Variants in TRRAP observed in about 807,000 individuals in gnomAD.
The protein encoded by TRRAP is transformation/transcription domain associated protein.
Under a neutral mutation model 438.8 loss-of-function variants are expected in TRRAP, and 41 were observed. The ratio of observed to expected loss-of-function variants is 0.09; its 90% CI spans 0.07 to 0.12. The LOEUF (loss-of-function observed/expected upper bound fraction) is 0.12, where lower values mean the gene tolerates loss of function less well. Among genes scored for constraint, TRRAP ranks in the 10% least tolerant of loss-of-function variants. The pLI, the probability that TRRAP is intolerant of heterozygous loss-of-function variation, is 1.00. For synonymous variants in TRRAP, 1,994 were observed against 1,962.9 expected (o/e 1.02, Z -0.42); for missense variants, 3,122 against 5,055.1 (o/e 0.62, Z 11.60).
At chr7:98,989,951 G>A (rs1793317468) in intron 63 of TRRAP, among the ~76,000 whole-genome samples, 1 of 152,188 alleles carries the variant, frequency 6.6e-6, no homozygotes, top group African/African-American at 2.4e-5. Flanking sequence ...CAAAAGGCCG[G>A]GAGTGGTGGC....
intron 49 of TRRAP, 30 bp from the exon 50 acceptor site, chr7:98,967,011 T>C: frequency 6.3e-7 from 1 of 1,593,010 alleles, no homozygotes; most frequent in African/African-American, 1.4e-5. Context: ...GAAATACTTT[T>C]AACTGCGTCT....
intron 20 of TRRAP, among the ~76,000 whole-genome samples, chr7:98,918,994 A>G (rs1358731006): frequency 6.6e-6 from 1 of 151,998 alleles, no homozygotes; most frequent in African/African-American, 2.4e-5. Flanking sequence ...CAAAAAAAAA[A>G]AAAAAAGAAA....
At chr7:98,960,016 C>T (rs1434106983) in intron 45 of TRRAP, among the ~76,000 whole-genome samples, 1 of 151,324 alleles carries the variant, frequency 6.6e-6, no homozygotes, top group Non-Finnish European at 1.5e-5. Flanking sequence ...GCCCCAACTA[C>T]ACGTAGGAGT....
At chr7:98,937,887 T>C (rs994281118) in intron 30 of TRRAP, 67 bp downstream of exon 30, 10 of 1,470,062 alleles carry the variant, frequency 6.8e-6, no homozygotes, top group Middle Eastern at 2.3e-4. Flanking sequence ...TAAAAATAAA[T>C]AATGCAGCTG....
rs781834642 is a variant in TRRAP at position 98,917,393 on chromosome 7, CCT to C, written c.2366-25_2366-24del. 680 of 1,605,176 alleles carry C rather than the reference CCT, an allele frequency of 4.2e-4. 3 individuals carry two copies. The highest frequency in any genetic ancestry group is 3.0e-4 in the Non-Finnish European group (350 of 1,173,592). ...GGGCCCGAGTCTGGGGAGCGTCTTCCCTCTCTGATAGCTGCACCCCCTTCCCT... is the reference window on the plus strand; with the variant it reads ...GGGCCCGAGTCTGGGGAGCGTCTTCCCTCTGATAGCTGCACCCCCTTCCCT... On this transcript the variant is annotated intron_variant, in intron 19 of 72. Coordinates refer to ENST00000456197, the MANE Select transcript of TRRAP (RefSeq NM_001375524.1).
chr7:99,002,581 C>T (rs1793979170), intron 67 of TRRAP, among the ~76,000 whole-genome samples: 1 of 152,146 alleles, frequency 6.6e-6, no homozygotes, highest in South Asian at 2.1e-4. Context: ...CTCTGTCTCT[C>T]GCGGCTCTGC....
chr7:98,887,320 G>A (rs1374353330), intron 3 of TRRAP, among the ~76,000 whole-genome samples: 1 of 152,142 alleles, frequency 6.6e-6, no homozygotes, highest in Non-Finnish European at 1.5e-5. Context: ...TGATAACCTG[G>A]CAGTTAGTTC....
rs528109112 is a variant in TRRAP at position 98,899,744 on chromosome 7, C to T, written c.777C>T (p.Ala259=). ...EFVPLIMNTI[A]IQVSAQARQH... is the part of the protein sequence containing the mutation. ...TGCCCTTGATCATGAACACCATTGC[C>T]ATTCAGGTGTCTGCACAAGCGAGGT... The change falls in exon 10 of 73, where the codon GCC becomes GCT. Residue 259 remains alanine, a synonymous_variant. Coordinates refer to ENST00000456197, the MANE Select transcript of TRRAP (RefSeq NM_001375524.1). 5.6e-6 allele frequency: 9 copies of T among 1,614,150 alleles called. No individual in the cohort carries two copies. In the African/African-American group the frequency reaches 1.1e-4, roughly 19 times the overall value.
rs761869987 is a variant in TRRAP at position 98,961,396 on chromosome 7, A to G, written c.6625A>G (p.Thr2209Ala). 6.2e-7 allele frequency: 1 copy of G among 1,614,108 alleles called. No individual in the cohort carries two copies. The highest frequency in any genetic ancestry group is 8.5e-7 in the Non-Finnish European group (1 of 1,180,044). The change falls in exon 46 of 73, where the codon ACA becomes GCA. Residue 2209 changes from threonine to alanine, a missense_variant. Physicochemically the swap from Thr to Ala is moderately conservative, Grantham distance 58. Transcript: ENST00000456197. ...PLQRGIAACM[T>A]CGNTKVLRAV... ...GCAGCGTGGAATTGCCGCCTGCATG[A>G]CATGTGGAAACACCAAGGTGTTGCG... is the stretch of plus-strand genomic sequence containing the variant.
At chr7:98,967,381 T>A (rs1305356538) in intron 50 of TRRAP, 104 bp from the exon 51 acceptor site, 5 of 1,390,186 alleles carry the variant, frequency 3.6e-6, no homozygotes, top group Non-Finnish European at 5.0e-6. Context: ...TTGGTTTTCA[T>A]AGTGGCATTT....
chr7:98,981,470 T>C (rs1008474468), intron 58 of TRRAP, among the ~76,000 whole-genome samples: 1 of 152,196 alleles, frequency 6.6e-6, no homozygotes, highest in Non-Finnish European at 1.5e-5. Flanking sequence ...TGATCTGTCA[T>C]AACAGCATTG....
At chr7:98,943,435 A>G (rs1162942343) in intron 31 of TRRAP, among the ~76,000 whole-genome samples, 3 of 152,176 alleles carry the variant, frequency 2.0e-5, no homozygotes, top group African/African-American at 7.2e-5. Flanking sequence ...TTTAATCATT[A>G]TTGCCTGATA....
At chr7:99,001,303 C>T (rs1793908598) in intron 67 of TRRAP, among the ~76,000 whole-genome samples, 1 of 152,206 alleles carries the variant, frequency 6.6e-6, no homozygotes, top group Non-Finnish European at 1.5e-5. Context: ...GCCCGGTCCT[C>T]CCCGTCTATA....
intron 70 of TRRAP, 122 bp from the exon 71 acceptor site, chr7:99,010,930 C>A: frequency 9.8e-7 from 1 of 1,024,212 alleles, no homozygotes; most frequent in Non-Finnish European, 1.4e-6. Context: ...TTAAATCTGT[C>A]ACCAGAATTT....
chr7:98,917,379 TG>T, intron 19 of TRRAP, 43 bp from the exon 20 acceptor site: 1 of 1,597,104 alleles, frequency 6.3e-7, no homozygotes, highest in Non-Finnish European at 8.6e-7. Flanking sequence ...GGCCCGAGTC[TG>T]GGGAGCGTCT....
At chr7:98,992,315 C>T (rs927129531) in intron 65 of TRRAP, 88 bp downstream of exon 65, 1 of 1,387,124 alleles carries the variant, frequency 7.2e-7, no homozygotes, top group African/African-American at 1.4e-5. Context: ...CGCAGCCACC[C>T]CTGCCCTGCA....
At chr7:98,984,899 T>G in intron 61 of TRRAP, 45 bp from the exon 62 acceptor site, 1 of 1,307,632 alleles carries the variant, frequency 7.6e-7, no homozygotes, top group Non-Finnish European at 1.1e-6. Context: ...TTCATATTGT[T>G]TAGAAATTTC....
chr7:98,975,932 G>A (rs568928667), intron 53 of TRRAP: 12 of 543,274 alleles, frequency 2.2e-5, no homozygotes, highest in African/African-American at 1.7e-4. Flanking sequence ...TGAGCCTCTC[G>A]GGATGCCTGG....
intron 46 of TRRAP, 83 bp from the exon 47 acceptor site, chr7:98,962,219 G>A: frequency 6.3e-6 from 10 of 1,596,724 alleles, no homozygotes; most frequent in Non-Finnish European, 8.6e-6. Context: ...TGATACCCAA[G>A]CAGCCAGCAC....
Sources: allele counts gnomAD v4.1 joint callset (sites outside exome capture counted in the v4.1 genomes callset), GRCh38; gene constraint gnomAD v4.1.1; transcripts MANE v1.5; gene names NCBI Gene and HGNC (gene_info 2026-07-23, HGNC 2026-07-21).